Variants in PBLD observed in about 807,000 individuals in gnomAD.
PBLD encodes the protein phenazine biosynthesis-like domain-containing protein.
A neutral mutation model predicts 31.3 loss-of-function variants in PBLD; 26 were observed. That is an observed-to-expected ratio of 0.83 (90% CI 0.61 to 1.15). The LOEUF is 1.15. Ranked by LOEUF, PBLD falls within the 50% of genes most tolerant of loss-of-function variation. The pLI, the probability that PBLD is intolerant of heterozygous loss-of-function variation, is 0.00. For missense variants in PBLD, 307 were observed against 351.7 expected (o/e 0.87, Z 1.02); for synonymous variants, 114 against 129.0 (o/e 0.88, Z 0.79).
At position 68,292,021 on chromosome 10, in the gene PBLD, C is replaced by A. The variant is rs749554250; in HGVS notation, c.412G>T (p.Asp138Tyr). ...TTCTTTTTACCAACCTTTATCAAGT[C>A]CTCTACTTCATGGAAGTCCTAGATG... Reference protein sequence around the residue: ...AHPQDFHEVEDLIKTAIGNTL... With the variant: ...AHPQDFHEVEYLIKTAIGNTL... The change falls in exon 6 of 10, where the codon GAC becomes TAC. Residue 138 changes from aspartate to tyrosine, a missense_variant. Physicochemically the swap from Asp to Tyr is radical, Grantham distance 160. Transcript: ENST00000358769. 2 of 1,588,326 alleles carry A rather than the reference C, an allele frequency of 1.3e-6. No homozygotes were observed. Among genetic ancestry groups the A allele is most frequent in the Non-Finnish European group, 8.6e-7 (1 of 1,156,694 alleles).
chr10:68,309,476 G>A (rs7100599), intron 1 of PBLD, among the ~76,000 whole-genome samples: 19,169 of 146,058 alleles, frequency 0.13, 2,328 homozygotes, highest in South Asian at 0.27. Flanking sequence ...GCCTCAAAAC[G>A]AGGCTACTCA....
chr10:68,288,674 CA>C lies in PBLD; in HGVS notation c.513-14del. The C allele has an allele frequency of 2.5e-6, 4 of 1,612,636 alleles. No individual in the cohort carries two copies. The highest frequency in any genetic ancestry group is 3.4e-6 in the Non-Finnish European group (4 of 1,179,270). ...CTCCAGAAACGACCTTGTTCATAAA[CA>C]AGATGGATTAGGACAAACCCATTTC... On this transcript the variant is annotated splice_polypyrimidine_tract_variant and intron_variant, in intron 7 of 9. Coordinates refer to ENST00000358769, the MANE Select transcript of PBLD (RefSeq NM_022129.4).
chr10:68,299,473 G>A (rs1436001654), intron 2 of PBLD, among the ~76,000 whole-genome samples: 2 of 152,178 alleles, frequency 1.3e-5, no homozygotes, highest in African/African-American at 4.8e-5. Flanking sequence ...AAAATCTTTT[G>A]AAACATGTTC....
chr10:68,285,206 G>A (rs1254539568), intron 9 of PBLD, 142 bp downstream of exon 9: 3 of 1,514,516 alleles, frequency 2.0e-6, no homozygotes, highest in Non-Finnish European at 1.8e-6. Context: ...ATCTTTAAGG[G>A]TGAAGGAATT....
chr10:68,324,353 T>G (rs894369312), intron 1 of PBLD, among the ~76,000 whole-genome samples: 7 of 151,990 alleles, frequency 4.6e-5, no homozygotes, highest in African/African-American at 1.7e-4. Context: ...ATTTTTGTAT[T>G]TTTTGTAGAG....
At chr10:68,325,523 C>T (rs1295161658) in intron 1 of PBLD, among the ~76,000 whole-genome samples, 2 of 152,148 alleles carry the variant, frequency 1.3e-5, no homozygotes, top group East Asian at 1.9e-4. Context: ...TGAGATCACG[C>T]CACTGCCCTC....
intron 1 of PBLD, among the ~76,000 whole-genome samples, chr10:68,309,406 CAAA>C (rs58152894): frequency 0.047 from 5,353 of 114,588 alleles, 187 homozygotes; most frequent in African/African-American, 0.056. Context: ...GATTATGTTT[CAAA>C]AAAAAAAAAA....
rs570969421 is a variant in PBLD, at chr10:68,293,027, A to T, written c.284-789T>A. Among the ~76,000 whole-genome samples the T allele has an allele frequency of 6.6e-5, 10 of 152,178 alleles. No homozygotes were observed. In the East Asian group the frequency reaches 1.7e-3, roughly 26 times the overall value. ...AGGCATGAGCCATAATGCCTGGATA[A>T]TTTTTAAATATTTTGTAAAGACAGG... On this transcript the variant is annotated intron_variant, in intron 4 of 9. Transcript: ENST00000358769.
chr10:68,322,977 G>A (rs1400054043), intron 1 of PBLD, among the ~76,000 whole-genome samples: 1 of 151,992 alleles, frequency 6.6e-6, no homozygotes, highest in Admixed American at 6.6e-5. Flanking sequence ...CTGGTCTCAA[G>A]CAATCCTCCT....
At chr10:68,288,907 TGC>T in intron 7 of PBLD, 22 bp downstream of exon 7, 4 of 1,600,842 alleles carry the variant, frequency 2.5e-6, no homozygotes. Context: ...CTCCCCAAAG[TGC>T]TGATGCAGCC....
intron 2 of PBLD, among the ~76,000 whole-genome samples, chr10:68,303,780 C>G (rs7097498): frequency 0.79 from 119,066 of 151,288 alleles, 47,476 homozygotes; most frequent in Non-Finnish European, 0.86. Flanking sequence ...CCTGTGGTTA[C>G]TCTCATCCTG....
intron 1 of PBLD, among the ~76,000 whole-genome samples, 165 bp from the exon 2 acceptor site, chr10:68,307,068 GC>G (rs71470511): frequency 6.6e-6 from 1 of 151,936 alleles, no homozygotes; most frequent in African/African-American, 2.4e-5. Context: ...TTGCTCTGTT[GC>G]CCAGGCGGGA....
intron 1 of PBLD, among the ~76,000 whole-genome samples, chr10:68,310,866 A>G (rs569558008): frequency 7.3e-6 from 1 of 137,802 alleles, no homozygotes; most frequent in Non-Finnish European, 1.6e-5. Context: ...CAATAAACCC[A>G]TCATAAGTTA....
rs763023360 is a variant in PBLD at position 68,285,358 on chromosome 10, T to G, written c.744A>C (p.Lys248Asn). The G allele has an allele frequency of 2.5e-6, 4 of 1,614,004 alleles. No individual in the cohort carries two copies. In the South Asian group the frequency reaches 3.3e-5, roughly 13 times the overall value. The change falls in exon 9 of 10, where the codon AAA (lysine) becomes AAC (asparagine). Residue 248 changes from lysine (K) to asparagine (N), a missense_variant. Coordinates refer to ENST00000358769, the MANE Select transcript of PBLD (RefSeq NM_022129.4). ...SSYWSQHLGK[K>N]EMHAFQCSHR... ...AAAGAGCTGTCCTACCATGCATTTC[T>G]TTCTTCCCCAGATGCTGGGACCAGT...
intron 1 of PBLD, among the ~76,000 whole-genome samples, chr10:68,309,228 A>G (rs2044626398): frequency 1.3e-5 from 2 of 149,228 alleles, no homozygotes; most frequent in Non-Finnish European, 3.0e-5. Flanking sequence ...CAACGTGGTG[A>G]AACCCATCTC....
chr10:68,326,505 T>C (rs768281457), intron 1 of PBLD, among the ~76,000 whole-genome samples: 2 of 152,194 alleles, frequency 1.3e-5, no homozygotes, highest in Non-Finnish European at 2.9e-5. Flanking sequence ...CACAGAATAG[T>C]TCATATGAGT....
At position 68,283,670 on chromosome 10, in the gene PBLD, A is replaced by T. The variant is rs1489436057; in HGVS notation, c.*507T>A. On this transcript the variant is annotated 3_prime_UTR_variant, in exon 10 of 10. Transcript: ENST00000358769. ...ACATTTCAAATACACTCATGAGTGG[A>T]GCCAAAACTCCATTAGTTCATTAGT... 6.5e-6 allele frequency: 1 copy of T among 153,354 alleles called. No individual in the cohort carries two copies. The highest frequency in any genetic ancestry group is 1.5e-5 in the Non-Finnish European group (1 of 68,830). 9.5% of individuals were successfully genotyped at this position (153,354 alleles called of 1,614,324 possible).
intron 1 of PBLD, among the ~76,000 whole-genome samples, chr10:68,330,795 G>A (rs1396269048): frequency 1.3e-5 from 2 of 150,702 alleles, no homozygotes; most frequent in Non-Finnish European, 2.9e-5. Context: ...TGTTAGCCAG[G>A]ATGAACTTGC....
In PBLD at chr10:68,297,106, A is replaced by T. The variant is rs935410059; in HGVS notation, c.85-121T>A. On this transcript the variant is annotated intron_variant, in intron 2 of 9. Transcript: ENST00000358769. ...TAATAAGAGTTACACGCTTAAAAGG[A>T]AATAATTACCAAGGAATTCAAGGCA... is the stretch of plus-strand genomic sequence containing the variant. 1.7e-5 allele frequency: 13 copies of T among 777,522 alleles called. No homozygotes were observed. In the African/African-American group the frequency reaches 2.1e-4, roughly 13 times the overall value. The allele number at this position is 777,522 out of a possible 1,614,324, so 48.2% of individuals were successfully genotyped here.
Sources: gnomAD v4.1 joint callset for allele counts (sites outside exome capture counted in the v4.1 genomes callset) on GRCh38, gnomAD v4.1.1 for gene constraint, MANE v1.5 for transcripts, NCBI Gene and HGNC (gene_info 2026-07-23, HGNC 2026-07-21) for gene names.